Variants in GRM8 observed in about 807,000 individuals in gnomAD.
GRM8 encodes the protein metabotropic glutamate receptor 8.
In GRM8, 47 loss-of-function variants were observed where a neutral mutation model predicts 87.2. The observed-to-expected ratio is 0.54, with a 90% CI of 0.43 to 0.69. The LOEUF (loss-of-function observed/expected upper bound fraction) is 0.69. Ranked by LOEUF, GRM8 falls within the 30% of genes least tolerant of loss-of-function variation. The probability of loss-of-function intolerance (pLI) is 0.00; values close to 1 mark genes in which losing one functional copy is unlikely to be tolerated. For synonymous variants in GRM8, 396 were observed against 404.5 expected (o/e 0.98, Z 0.25); for missense variants, 1,019 against 1,139.2 (o/e 0.89, Z 1.52).
At chr7:126,852,421 CAGTT>C (rs773504746) in intron 6 of GRM8, among the ~76,000 whole-genome samples, 3 of 152,276 alleles carry the variant, frequency 2.0e-5, no homozygotes, top group East Asian at 3.9e-4. Context: ...AGCAGTTCCT[CAGTT>C]AGTAGCTGGA....
At chr7:126,951,059 C>T (rs1038801430) in intron 3 of GRM8, among the ~76,000 whole-genome samples, 1 of 151,824 alleles carries the variant, frequency 6.6e-6, no homozygotes, top group Non-Finnish European at 1.5e-5. Context: ...AAATGGAGTA[C>T]AATAATGCTG....
At chr7:126,864,054 A>G (rs1212005496) in intron 6 of GRM8, among the ~76,000 whole-genome samples, 1 of 26,034 alleles carries the variant, frequency 3.8e-5, no homozygotes, top group Non-Finnish European at 7.5e-5. Flanking sequence ...TTTTTTTTGT[A>G]GAGACAAAGT....
Position 126,609,438 on chromosome 7 carries a change from A to AT in GRM8, c.1417dup (p.Ile473AsnfsTer35), listed in dbSNP as rs759775923. 6.2e-7 allele frequency: 1 copy of AT among 1,609,660 alleles called. No individual in the cohort carries two copies. Among genetic ancestry groups the AT allele is most frequent in the South Asian group, 1.1e-5 (1 of 91,006 alleles). ...TTTGTTGGTTATTTGATACTGGAAG[A>AT]TATCATAACGTCCAGGAGCATCTCC... On this transcript the variant is annotated frameshift_variant, in exon 8 of 11. Transcript: ENST00000339582. LOFTEE classifies it high-confidence loss of function.
chr7:126,590,163 T>A (rs1409767623), intron 8 of GRM8, among the ~76,000 whole-genome samples: 1 of 151,666 alleles, frequency 6.6e-6, no homozygotes, highest in African/African-American at 2.4e-5. Context: ...AAATCTTCAG[T>A]GAAATTGATA....
At chr7:126,927,088 G>T (rs886180731) in intron 3 of GRM8, among the ~76,000 whole-genome samples, 1 of 152,144 alleles carries the variant, frequency 6.6e-6, no homozygotes, top group Non-Finnish European at 1.5e-5. Flanking sequence ...TCTTCCAGTG[G>T]TAGTACCTTA....
intron 9 of GRM8, among the ~76,000 whole-genome samples, chr7:126,473,900 C>T (rs75419268): frequency 0.068 from 10,359 of 152,096 alleles, 473 homozygotes; most frequent in African/African-American, 0.13. Flanking sequence ...GTAAGATGTG[C>T]CTTTGCTCCT....
intron 2 of GRM8, chr7:127,112,408 T>A (rs1563521248): frequency 6.6e-6 from 1 of 152,194 alleles, no homozygotes; most frequent in South Asian, 2.1e-4. Flanking sequence ...TTTCCCCTAC[T>A]AACATGTAGA....
At chr7:127,050,246 G>C (rs1819332454) in intron 3 of GRM8, among the ~76,000 whole-genome samples, 1 of 152,178 alleles carries the variant, frequency 6.6e-6, no homozygotes, top group Non-Finnish European at 1.5e-5. Flanking sequence ...ACAGTTTCAA[G>C]TCAACAGGGA....
chr7:127,109,101 A>C (rs1418620821), intron 2 of GRM8, among the ~76,000 whole-genome samples: 2 of 152,124 alleles, frequency 1.3e-5, no homozygotes, highest in East Asian at 3.9e-4. Context: ...CTGAAGTAAA[A>C]ATTTTTTAAA....
intron 6 of GRM8, among the ~76,000 whole-genome samples, chr7:126,795,860 A>C (rs1332504932): frequency 1.3e-5 from 2 of 152,112 alleles, no homozygotes; most frequent in Non-Finnish European, 2.9e-5. Context: ...GGAAAAAAAA[A>C]AAGCCCAAAA....
intron 6 of GRM8, among the ~76,000 whole-genome samples, chr7:126,876,846 G>T (rs1156573649): frequency 6.6e-6 from 1 of 151,708 alleles, no homozygotes; most frequent in East Asian, 1.9e-4. Flanking sequence ...TTGCCTGCAA[G>T]AACTCCACTT....
intron 2 of GRM8, among the ~76,000 whole-genome samples, chr7:127,143,290 T>C (rs761730794): frequency 6.6e-6 from 1 of 152,166 alleles, no homozygotes; most frequent in Non-Finnish European, 1.5e-5. Flanking sequence ...CCTTAATAAA[T>C]AGTCACTTCC....
intron 2 of GRM8, among the ~76,000 whole-genome samples, chr7:127,223,429 CCACA>C (rs1254452877): frequency 7.2e-6 from 1 of 138,886 alleles, no homozygotes; most frequent in Admixed American, 7.8e-5. Context: ...TCGAAACACA[CCACA>C]CACACACACG....
chr7:127,244,831 G>C (rs1256077254), intron 1 of GRM8, among the ~76,000 whole-genome samples: 5 of 152,088 alleles, frequency 3.3e-5, no homozygotes, highest in Non-Finnish European at 5.9e-5. Flanking sequence ...TAGAAAAGAG[G>C]GCTCATAGCA....
chr7:126,499,249 C>G (rs1388868537), intron 9 of GRM8, among the ~76,000 whole-genome samples: 1 of 151,178 alleles, frequency 6.6e-6, no homozygotes, highest in Non-Finnish European at 1.5e-5. Flanking sequence ...AATTAACAAA[C>G]CACAATGAGA....
intron 2 of GRM8, among the ~76,000 whole-genome samples, chr7:127,223,843 A>G (rs187051496): frequency 6.6e-6 from 1 of 152,098 alleles, no homozygotes; most frequent in East Asian, 1.9e-4. Flanking sequence ...AATGAGAAGT[A>G]TCAGCAAAGA....
chr7:126,892,391 G>GT (rs1457702367), intron 6 of GRM8, among the ~76,000 whole-genome samples: 2 of 151,964 alleles, frequency 1.3e-5, no homozygotes, highest in African/African-American at 4.8e-5. Context: ...GCGGTGTTTG[G>GT]TTTTTTGTTC....
intron 3 of GRM8, among the ~76,000 whole-genome samples, chr7:127,071,725 A>G (rs929829823): frequency 1.3e-5 from 2 of 152,168 alleles, no homozygotes; most frequent in African/African-American, 4.8e-5. Context: ...ATGCAAATCA[A>G]ATTAATAGAT....
chr7:126,796,396 G>A (rs531514541), intron 6 of GRM8, among the ~76,000 whole-genome samples: 6 of 152,220 alleles, frequency 3.9e-5, no homozygotes, highest in African/African-American at 1.4e-4. Flanking sequence ...AGATTTTGAT[G>A]ATAATTAATC....
Sources: gnomAD v4.1 joint callset for allele counts (sites outside exome capture counted in the v4.1 genomes callset) on GRCh38, gnomAD v4.1.1 for gene constraint, MANE v1.5 for transcripts, NCBI Gene and HGNC (gene_info 2026-07-23, HGNC 2026-07-21) for gene names.